Variants in SLC18B1 observed in about 807,000 individuals in gnomAD.
SLC18B1 encodes MFS-type transporter SLC18B1.
In SLC18B1, 62 loss-of-function variants were observed where a neutral mutation model predicts 53.9. That is an observed-to-expected ratio of 1.15 (90% CI 0.94 to 1.42). The LOEUF is 1.42. Ranked by LOEUF, SLC18B1 falls within the 40% of genes most tolerant of loss-of-function variation. The pLI, the probability that SLC18B1 is intolerant of heterozygous loss-of-function variation, is 0.00. For synonymous variants in SLC18B1, 217 were observed against 200.9 expected (o/e 1.08, Z -0.68); for missense variants, 598 against 547.3 (o/e 1.09, Z -0.93).
At chr6:132,777,037 T>C (rs1781115795) in intron 7 of SLC18B1, among the ~76,000 whole-genome samples, 1 of 151,918 alleles carries the variant, frequency 6.6e-6, no homozygotes, top group East Asian at 1.9e-4. Flanking sequence ...CTGGCCAACA[T>C]GAGGAAACCC....
At chr6:132,788,329 C>T (rs957009946) in intron 4 of SLC18B1, among the ~76,000 whole-genome samples, 1 of 151,788 alleles carries the variant, frequency 6.6e-6, no homozygotes, top group Non-Finnish European at 1.5e-5. Context: ...AAGAATAGTA[C>T]CTCACCCATA....
chr6:132,791,449 ATCAT>A (rs1326117587), intron 2 of SLC18B1, among the ~76,000 whole-genome samples: 1 of 152,112 alleles, frequency 6.6e-6, no homozygotes, highest in Non-Finnish European at 1.5e-5. Context: ...AGATACTATC[ATCAT>A]TCAATCTTTG....
chr6:132,787,652 C>T lies in SLC18B1; in HGVS notation c.354-71G>A, dbSNP rs1781412958. 3 of 1,365,026 alleles carry T rather than the reference C, an allele frequency of 2.2e-6. No individual in the cohort carries two copies. In the African/African-American group the frequency reaches 4.6e-5, roughly 21 times the overall value. The allele number at this position is 1,365,026 out of a possible 1,614,324, so 84.6% of individuals were successfully genotyped here. A position where few individuals can be genotyped will look rare whatever the true frequency, so the allele number is the denominator to read the frequency against. On this transcript the variant is annotated intron_variant, in intron 4 of 13. Transcript: ENST00000275227. ...TTTTTTTTTTTCCTTTTTAACTGTACTCACTAAAAAGAATAGTACCTCACT... is the reference window on the plus strand; with the variant it reads ...TTTTTTTTTTTCCTTTTTAACTGTATTCACTAAAAAGAATAGTACCTCACT...
intron 8 of SLC18B1, among the ~76,000 whole-genome samples, chr6:132,775,131 C>G (rs1781068356): frequency 6.6e-6 from 1 of 152,138 alleles, no homozygotes; most frequent in Admixed American, 6.5e-5. Context: ...GAATTAGTAT[C>G]CTTATACAAG....
At chr6:132,792,249 A>AAGAAAGAGAGAGAGAGAGAGAG in intron 2 of SLC18B1, among the ~76,000 whole-genome samples, 1 of 20,326 alleles carries the variant, frequency 4.9e-5, no homozygotes. Context: ...GAAAGAAAGA[A>AAGAAAGAGAGAGAGAGAGAGAG]AGAAAGAAAG....
rs762551783 is a variant in SLC18B1 at position 132,771,086 on chromosome 6, T to G, written c.1204A>C (p.Ile402Leu). 1 of 1,614,122 alleles carries G rather than the reference T, an allele frequency of 6.2e-7. No individual in the cohort carries two copies. The highest frequency in any genetic ancestry group is 8.5e-7 in the Non-Finnish European group (1 of 1,180,010). ...PTLGGFLYEK[I>L]GFEWAAAIQG... ...ATAGCTGCTGCCCATTCAAAACCAA[T>G]TTTCTCATACAGAAATCCACCCAGC... Residue 402 changes from isoleucine to leucine, a missense_variant, in exon 12 of 14, where the codon ATT becomes CTT. Transcript: ENST00000275227.
intron 4 of SLC18B1, chr6:132,789,496 A>G (rs1328591596): frequency 3.3e-6 from 1 of 299,596 alleles, no homozygotes; most frequent in Non-Finnish European, 6.2e-6. Context: ...CAGAAAAGTG[A>G]GTTAAGTTTC....
intron 5 of SLC18B1, among the ~76,000 whole-genome samples, chr6:132,786,478 G>T (rs1197279898): frequency 6.6e-6 from 1 of 150,494 alleles, no homozygotes; most frequent in African/African-American, 2.4e-5. Flanking sequence ...GAACCCGGGA[G>T]GCGGAGCTTG....
In SLC18B1 at chr6:132,790,412, A is replaced by C. The variant is rs142342314; in HGVS notation, c.184-140T>G. On this transcript the variant is annotated intron_variant, in intron 2 of 13. Transcript: ENST00000275227. Reference sequence around the variant, plus strand: ...TCAAAAAGATTATTCTTTTAAAATAAATGGGGTGGGGAAGGAAGGGAAACT... The same window carrying C: ...TCAAAAAGATTATTCTTTTAAAATACATGGGGTGGGGAAGGAAGGGAAACT... 1.2e-3 allele frequency: 630 copies of C among 542,132 alleles called. 11 individuals are homozygous for C. In the East Asian group the frequency reaches 0.015, roughly 13 times the overall value. The allele number at this position is 542,132 out of a possible 1,614,324, so 33.6% of individuals were successfully genotyped here. A position where few individuals can be genotyped will look rare whatever the true frequency, so the allele number is the denominator to read the frequency against.
At chr6:132,784,398 G>A (rs1195941347) in intron 5 of SLC18B1, among the ~76,000 whole-genome samples, 1 of 151,926 alleles carries the variant, frequency 6.6e-6, no homozygotes, top group African/African-American at 2.4e-5. Flanking sequence ...AAAGATAAAT[G>A]AAGAACAGAG....
At chr6:132,796,410 C>T (rs2114691851) in intron 2 of SLC18B1, among the ~76,000 whole-genome samples, 1 of 147,356 alleles carries the variant, frequency 6.8e-6, no homozygotes, top group Non-Finnish European at 1.5e-5. Context: ...CCTGTAATCC[C>T]AGCTACTCGG....
In SLC18B1 at chr6:132,787,447, A is replaced by G. The variant is rs745961090; in HGVS notation, c.488T>C (p.Val163Ala). 1.0e-5 allele frequency: 16 copies of G among 1,597,496 alleles called. No individual in the cohort carries two copies. In the East Asian group the frequency reaches 3.4e-4, roughly 34 times the overall value. ...TAAAATACATACCAATACCGTAGCC[A>G]CGTTATTTGGAAAAGCCTTTGCCAG... ...SILAKAFPNN[V>A]ATVLGSLETF... Residue 163 changes from valine to alanine, a missense_variant, in exon 5 of 14, where the codon GTG becomes GCG. Val to Ala is a moderately conservative substitution (Grantham distance 64). Coordinates refer to ENST00000275227, the MANE Select transcript of SLC18B1 (RefSeq NM_052831.3).
At chr6:132,790,987 A>G (rs189854282) in intron 2 of SLC18B1, among the ~76,000 whole-genome samples, 8 of 152,352 alleles carry the variant, frequency 5.3e-5, no homozygotes, top group Non-Finnish European at 1.2e-4. Flanking sequence ...ACTTCTTTTG[A>G]ACTTCAAATG....
At chr6:132,776,195 C>A in intron 8 of SLC18B1, 133 bp downstream of exon 8, 1 of 686,328 alleles carries the variant, frequency 1.5e-6, no homozygotes, top group Non-Finnish European at 2.4e-6. Context: ...ATAGAAAACA[C>A]TGAAACCTCT....
At chr6:132,797,675 C>A (rs888711086) in intron 1 of SLC18B1, among the ~76,000 whole-genome samples, 4 of 152,112 alleles carry the variant, frequency 2.6e-5, no homozygotes. Context: ...GTATTGAAGT[C>A]AAATGAAGTG....
intron 2 of SLC18B1, among the ~76,000 whole-genome samples, chr6:132,791,396 C>A (rs1189328074): frequency 7.2e-5 from 11 of 152,186 alleles, no homozygotes; most frequent in African/African-American, 2.4e-4. Flanking sequence ...TCTTTTCTCT[C>A]TACAATTGAT....
In SLC18B1 at chr6:132,792,284, G is replaced by GAAAGAGAGAAAGAAAGAAAGA. The variant is rs1461079612; in HGVS notation, c.184-2013_184-2012insTCTTTCTTTCTTTCTCTCTTT. ...GAAAGAAAGAAAGAAAGAAAGAAAG[G>GAAAGAGAGAAAGAAAGAAAGA]AAGAAAGGAAGGAAGGAAGGAAGGA... is the stretch of plus-strand genomic sequence containing the variant. On this transcript the variant is annotated intron_variant, in intron 2 of 13. Transcript: ENST00000275227. Among the ~76,000 whole-genome samples, 2 of 37,780 alleles carry GAAAGAGAGAAAGAAAGAAAGA rather than the reference G, an allele frequency of 5.3e-5. 1 individual carries two copies. Among genetic ancestry groups the GAAAGAGAGAAAGAAAGAAAGA allele is most frequent in the Non-Finnish European group, 9.4e-5 (2 of 21,230 alleles). The allele number at this position is 37,780 out of a possible 152,430, so 24.8% of individuals were successfully genotyped here. A position where few individuals can be genotyped will look rare whatever the true frequency, so the allele number is the denominator to read the frequency against.
At chr6:132,774,388 A>G in intron 8 of SLC18B1, 75 bp from the exon 9 acceptor site, 1 of 1,123,256 alleles carries the variant, frequency 8.9e-7, no homozygotes, top group South Asian at 1.5e-5. Flanking sequence ...GTAAAACATT[A>G]GTAAAAAACA....
chr6:132,796,263 G>T (rs554710993), intron 2 of SLC18B1, among the ~76,000 whole-genome samples: 91 of 149,922 alleles, frequency 6.1e-4, no homozygotes, highest in South Asian at 1.9e-3. Flanking sequence ...GCTGAGGCAG[G>T]AGAATGGCGT....
Sources: gnomAD v4.1 joint callset for allele counts (sites outside exome capture counted in the v4.1 genomes callset) on GRCh38, gnomAD v4.1.1 for gene constraint, MANE v1.5 for transcripts, NCBI Gene and HGNC (gene_info 2026-07-23, HGNC 2026-07-21) for gene names.